POU6F2: variants seen among roughly 807,000 people sequenced by gnomAD.
POU6F2 encodes POU domain, class 6, transcription factor 2.
Under a neutral mutation model 71.3 loss-of-function variants are expected in POU6F2, and 31 were observed. The ratio of observed to expected loss-of-function variants is 0.43; its 90% CI spans 0.33 to 0.59. The LOEUF (loss-of-function observed/expected upper bound fraction) is 0.59, where lower values mean the gene tolerates loss of function less well. POU6F2 is among the 20% of genes least tolerant of loss of function. The pLI is 0.04. For synonymous variants in POU6F2, 347 were observed against 355.7 expected, an observed-to-expected ratio of 0.98 and a Z score of 0.27; for missense variants, 783 against 856.8, an observed-to-expected ratio of 0.91 and a Z score of 1.07.
At chr7:39,063,232 G>A (rs1381994541) in intron 1 of POU6F2, among the ~76,000 whole-genome samples, 2 of 152,050 alleles carry the variant, frequency 1.3e-5, no homozygotes, top group African/African-American at 2.4e-5. Flanking sequence ...AGAACTTAAC[G>A]GATGTGGCAG....
intron 6 of POU6F2, among the ~76,000 whole-genome samples, chr7:39,421,290 GACA>G (rs1452064304): frequency 6.6e-6 from 1 of 151,928 alleles, no homozygotes. Flanking sequence ...GAGTGATGAG[GACA>G]ACTTTTTTCT....
intron 8 of POU6F2, among the ~76,000 whole-genome samples, chr7:39,454,111 A>G (rs1179100157): frequency 6.6e-6 from 1 of 152,172 alleles, no homozygotes; most frequent in Non-Finnish European, 1.5e-5. Context: ...TCAGAAATAC[A>G]TCTACTTGTT....
chr7:39,186,348 C>T (rs1408898775), intron 2 of POU6F2, among the ~76,000 whole-genome samples: 1 of 152,182 alleles, frequency 6.6e-6, no homozygotes, highest in Non-Finnish European at 1.5e-5. Flanking sequence ...AGAATCCAGC[C>T]TGGGCTCTGA....
intron 5 of POU6F2, among the ~76,000 whole-genome samples, chr7:39,346,697 T>C (rs1203023426): frequency 2.6e-5 from 4 of 152,254 alleles, no homozygotes; most frequent in Admixed American, 2.6e-4. Context: ...GGCTGGCACT[T>C]TGCTCTGAAT....
At chr7:39,127,994 C>G (rs1295141647) in intron 2 of POU6F2, among the ~76,000 whole-genome samples, 2 of 151,914 alleles carry the variant, frequency 1.3e-5, no homozygotes, top group African/African-American at 2.4e-5. Context: ...AGGTGCCCAC[C>G]ACCACGCCCG....
chr7:39,325,824 C>T (rs1479845320), intron 4 of POU6F2, among the ~76,000 whole-genome samples: 1 of 152,224 alleles, frequency 6.6e-6, no homozygotes, highest in Non-Finnish European at 1.5e-5. Flanking sequence ...AAGTCAAACA[C>T]TGATGCTTTG....
intron 1 of POU6F2, among the ~76,000 whole-genome samples, chr7:39,027,743 C>G (rs1391811413): frequency 1.3e-5 from 2 of 152,184 alleles, no homozygotes; most frequent in Non-Finnish European, 2.9e-5. Context: ...TAAACATACA[C>G]CTCGTGCTCC....
At chr7:39,364,883 A>G (rs1261964241) in intron 5 of POU6F2, among the ~76,000 whole-genome samples, 1 of 152,174 alleles carries the variant, frequency 6.6e-6, no homozygotes, top group African/African-American at 2.4e-5. Flanking sequence ...CATTCCTACC[A>G]GCAGTGTGGA....
At chr7:39,225,988 A>G (rs1011550659) in intron 4 of POU6F2, among the ~76,000 whole-genome samples, 20 of 152,014 alleles carry the variant, frequency 1.3e-4, no homozygotes, top group African/African-American at 2.4e-4. Context: ...TTTAAAAAAA[A>G]CCAACATTTT....
intron 4 of POU6F2, among the ~76,000 whole-genome samples, chr7:39,226,036 G>T (rs1268789211): frequency 6.6e-6 from 1 of 151,882 alleles, no homozygotes; most frequent in African/African-American, 2.4e-5. Context: ...ATTCACTGAA[G>T]CATATGTTCT....
Position 39,458,915 on chromosome 7 carries a change from T to C in POU6F2, c.1490-1632T>C, listed in dbSNP as rs575082417. Among the ~76,000 whole-genome samples the C allele has an allele frequency of 8.5e-5, 13 of 152,256 alleles. No individual in the cohort carries two copies. The South Asian group carries it at 2.5e-3, about 29-fold the overall frequency. On this transcript the variant is annotated intron_variant, in intron 8 of 9. Transcript: ENST00000518318. ...TCCTTCATTCTCTGAAAACTGCCCA[T>C]TGGGAAGACCTAGATGAATCCTCCC...
At chr7:39,359,867 T>C (rs927537970) in intron 5 of POU6F2, among the ~76,000 whole-genome samples, 1 of 152,202 alleles carries the variant, frequency 6.6e-6, no homozygotes, top group Non-Finnish European at 1.5e-5. Context: ...GAAAACTTTT[T>C]TTAATATGTA....
chr7:39,296,787 A>G (rs1471038353), intron 4 of POU6F2, among the ~76,000 whole-genome samples: 1 of 152,210 alleles, frequency 6.6e-6, no homozygotes, highest in African/African-American at 2.4e-5. Flanking sequence ...GCTTAGCTCT[A>G]TGACAATAGG....
chr7:39,229,992 G>C (rs775255005), intron 4 of POU6F2, among the ~76,000 whole-genome samples: 4 of 152,136 alleles, frequency 2.6e-5, no homozygotes, highest in Admixed American at 6.5e-5. Context: ...CACTGTTCGT[G>C]GTAGTCAACC....
At chr7:39,409,456 T>C (rs1466054846) in intron 6 of POU6F2, among the ~76,000 whole-genome samples, 1 of 152,206 alleles carries the variant, frequency 6.6e-6, no homozygotes, top group Non-Finnish European at 1.5e-5. Flanking sequence ...GTTAAGACTT[T>C]GAATTCAGAC....
intron 1 of POU6F2, among the ~76,000 whole-genome samples, chr7:39,031,805 C>T (rs531389726): frequency 2.0e-5 from 3 of 151,858 alleles, no homozygotes; most frequent in Non-Finnish European, 4.4e-5. Flanking sequence ...ATCATGAACC[C>T]GGGAGGTGGA....
chr7:39,088,277 A>G (rs1005246011), intron 2 of POU6F2, among the ~76,000 whole-genome samples: 2 of 151,724 alleles, frequency 1.3e-5, no homozygotes, highest in Non-Finnish European at 2.9e-5. Flanking sequence ...AAGACACTCT[A>G]ATATTCTCAT....
Position 39,426,071 on chromosome 7 carries a change from G to A in POU6F2, c.1114-7006G>A, listed in dbSNP as rs556211654. ...GCCCCAACTGGGGCTCCTTCCTGCT[G>A]CTTGCTGCTGTGGGAAAGGGTAGCC... On this transcript the variant is annotated intron_variant, in intron 6 of 9. Transcript: ENST00000518318. Among the ~76,000 whole-genome samples the A allele has an allele frequency of 1.3e-3, 197 of 152,318 alleles. 1 individual carries two copies. The highest frequency in any genetic ancestry group is 8.3e-3 in the South Asian group (40 of 4,828).
chr7:39,155,919 T>C (rs1366031426), intron 2 of POU6F2, among the ~76,000 whole-genome samples: 1 of 152,176 alleles, frequency 6.6e-6, no homozygotes, highest in Non-Finnish European at 1.5e-5. Flanking sequence ...ATAGTACCTA[T>C]TGTTGAAGCC....
Sources: allele counts gnomAD v4.1 joint callset (sites outside exome capture counted in the v4.1 genomes callset), GRCh38; gene constraint gnomAD v4.1.1; transcripts MANE v1.5; gene names NCBI Gene and HGNC (gene_info 2026-07-23, HGNC 2026-07-21).